RRP1B: variants seen among roughly 807,000 people sequenced by gnomAD.
RRP1B encodes the protein ribosomal RNA processing protein 1 homolog B.
A neutral mutation model predicts 80.2 loss-of-function variants in RRP1B; 56 were observed. The observed-to-expected ratio is 0.70, with a 90% CI of 0.56 to 0.87. RRP1B has a LOEUF of 0.87. RRP1B is among the 40% of genes least tolerant of loss of function. The pLI, the probability that RRP1B is intolerant of heterozygous loss-of-function variation, is 0.00. For synonymous variants in RRP1B, 351 were observed against 357.6 expected, an observed-to-expected ratio of 0.98 and a Z score of 0.21; for missense variants, 807 against 939.8, an observed-to-expected ratio of 0.86 and a Z score of 1.85.
rs1056775908 is a variant in RRP1B, at chr21:43,693,081, C to T, written c.2084-109C>T. 17 of 1,125,570 alleles carry T rather than the reference C, an allele frequency of 1.5e-5. No homozygotes were observed. The African/African-American group carries it at 1.6e-4, about 10-fold the overall frequency. The allele number at this position is 1,125,570 out of a possible 1,614,324, so 69.7% of individuals were successfully genotyped here. ...GCAGGGCCTTGAGATGGCCCTGCTT[C>T]GTCCTAGCAAGTGGGTGGGGTCGGC... On this transcript the variant is annotated intron_variant, in intron 15 of 15. Transcript: ENST00000340648. This position sits in a 1 kb window ranked among gnomAD's most constrained non-coding sequence, Gnocchi z 4.1.
intron 8 of RRP1B, among the ~76,000 whole-genome samples, chr21:43,678,448 C>T (rs1043286047): frequency 2.0e-5 from 3 of 152,144 alleles, no homozygotes; most frequent in Non-Finnish European, 2.9e-5. Flanking sequence ...CATGAGCCAC[C>T]GCGCCCGGCC....
At chr21:43,689,482 C>T (rs1016475753) in intron 13 of RRP1B, among the ~76,000 whole-genome samples, 1 of 152,182 alleles carries the variant, frequency 6.6e-6, no homozygotes, top group African/African-American at 2.4e-5. Context: ...CCATTTCTAG[C>T]CTCGAGTCTC....
At chr21:43,675,303 T>C in intron 6 of RRP1B, 140 bp downstream of exon 6, 1 of 767,264 alleles carries the variant, frequency 1.3e-6, no homozygotes, top group South Asian at 1.7e-5. Context: ...TGTCTGGGAA[T>C]GTGTCCTAAG....
intron 1 of RRP1B, among the ~76,000 whole-genome samples, chr21:43,663,024 A>G (rs908082210): frequency 6.6e-6 from 1 of 151,066 alleles, no homozygotes; most frequent in African/African-American, 2.4e-5. Flanking sequence ...AGTGTAGATG[A>G]TGGAGGATAT....
chr21:43,685,894 T>A (rs1474253854), intron 11 of RRP1B, 105 bp downstream of exon 11: 2 of 1,380,674 alleles, frequency 1.4e-6, no homozygotes, highest in Non-Finnish European at 2.0e-6. Context: ...AGAACTTTAC[T>A]GAAAACCTCT....
chr21:43,687,742 G>C lies in RRP1B; in HGVS notation c.1368G>C (p.Glu456Asp). ...CAGAGGCCACGTCCAGCACTGGGGAGGAGAGTGGCTCCGAGCATCCTCCAG... is the reference window on the plus strand; with the variant it reads ...CAGAGGCCACGTCCAGCACTGGGGACGAGAGTGGCTCCGAGCATCCTCCAG... ...PGAEATSSTG[E>D]ESGSEHPPAV... The change falls in exon 13 of 16, where the codon GAG (glutamate) becomes GAC (aspartate). Residue 456 changes from glutamate (E) to aspartate (D), a missense_variant. Glu to Asp is a conservative substitution (Grantham distance 45). Transcript: ENST00000340648. 1.9e-6 allele frequency: 3 copies of C among 1,613,270 alleles called. No individual in the cohort carries two copies. The South Asian group carries it at 3.3e-5, about 18-fold the overall frequency.
Position 43,687,709 on chromosome 21 carries a change from G to T in RRP1B, c.1335G>T (p.Glu445Asp). 6.2e-7 allele frequency: 1 copy of T among 1,611,588 alleles called. No homozygotes were observed. Among genetic ancestry groups the T allele is most frequent in the Non-Finnish European group, 8.5e-7 (1 of 1,178,818 alleles). Residue 445 changes from glutamate to aspartate, a missense_variant, in exon 13 of 16, where the codon GAG becomes GAT. Transcript: ENST00000340648. ...GLKALKARVA[E>D]PGAEATSSTG... ...AAGCCCTGAAGGCACGTGTGGCCGA[G>T]CCAGGTGCAGAGGCCACGTCCAGCA...
chr21:43,686,847 T>A lies in RRP1B; in HGVS notation c.1053T>A (p.Ala351=). Residue 351 remains alanine, a synonymous_variant, in exon 12 of 16, where the codon GCT becomes GCA. Coordinates refer to ENST00000340648, the MANE Select transcript of RRP1B (RefSeq NM_015056.3). The part of the protein sequence containing the change: ...SQLSFAEDIS[A]DEDDQILSQG... ...TCAGTTTTGCGGAGGACATTTCTGC[T>A]GATGAAGATGACCAAATCCTCAGTC... 1 of 1,614,054 alleles carries A rather than the reference T, an allele frequency of 6.2e-7. No homozygotes were observed. Among genetic ancestry groups the A allele is most frequent in the Non-Finnish European group, 8.5e-7 (1 of 1,180,000 alleles).
Position 43,676,210 on chromosome 21 carries a change from T to C in RRP1B, c.550-62T>C, listed in dbSNP as rs554569172. 1.4e-4 allele frequency: 177 copies of C among 1,247,152 alleles called. 1 individual carries two copies. In the South Asian group the frequency reaches 2.2e-3, roughly 15 times the overall value. The allele number at this position is 1,247,152 out of a possible 1,614,324, so 77.3% of individuals were successfully genotyped here. Reference sequence around the variant, plus strand: ...TGTAAAAGATGGGAATGGTCCCTTTTTCAAGGACATGTCAAGAAGGGAAAG... The same window carrying C: ...TGTAAAAGATGGGAATGGTCCCTTTCTCAAGGACATGTCAAGAAGGGAAAG... On this transcript the variant is annotated intron_variant, in intron 6 of 15. Transcript: ENST00000340648.
chr21:43,689,928 C>T (rs1051760572), intron 13 of RRP1B, among the ~76,000 whole-genome samples: 3 of 152,278 alleles, frequency 2.0e-5, no homozygotes, highest in Non-Finnish European at 4.4e-5. Flanking sequence ...CACTGTCCTC[C>T]ACACCAGACT....
intron 1 of RRP1B, among the ~76,000 whole-genome samples, chr21:43,661,355 G>A (rs1021891132): frequency 6.6e-6 from 1 of 152,052 alleles, no homozygotes; most frequent in Non-Finnish European, 1.5e-5. Context: ...TTCTTTCCCC[G>A]AAATCCTGTT....
chr21:43,692,806 C>G (rs1392613909), intron 15 of RRP1B, among the ~76,000 whole-genome samples: 1 of 152,070 alleles, frequency 6.6e-6, no homozygotes, highest in Non-Finnish European at 1.5e-5. Flanking sequence ...GCCTTTACAA[C>G]TGGAGAAAAT....
In RRP1B at chr21:43,671,240, T is replaced by C. The variant is rs116569493; in HGVS notation, c.214-1068T>C. On this transcript the variant is annotated intron_variant, in intron 2 of 15. Coordinates refer to ENST00000340648, the MANE Select transcript of RRP1B (RefSeq NM_015056.3). ...GAGTTTACCTTCACATTCCACCTTGTCTCTGAGCAAGCTGTAGGGAGGACT... is the reference window on the plus strand; with the variant it reads ...GAGTTTACCTTCACATTCCACCTTGCCTCTGAGCAAGCTGTAGGGAGGACT... Among the ~76,000 whole-genome samples, 756 of 152,300 alleles carry C rather than the reference T, an allele frequency of 5.0e-3. 8 individuals are homozygous for C. The highest frequency in any genetic ancestry group is 0.017 in the African/African-American group (722 of 41,566).
intron 14 of RRP1B, 130 bp downstream of exon 14, chr21:43,690,570 G>T (rs1475815687): frequency 2.0e-6 from 2 of 1,002,892 alleles, no homozygotes; most frequent in African/African-American, 1.6e-5. Context: ...CAGTGGACAG[G>T]TTCCACGGCC....
intron 8 of RRP1B, among the ~76,000 whole-genome samples, chr21:43,682,592 G>A (rs573022727): frequency 6.6e-5 from 10 of 152,322 alleles, no homozygotes; most frequent in East Asian, 3.9e-4. Flanking sequence ...GGATTCCTGC[G>A]TCCATGCTCC....
At position 43,683,297 on chromosome 21, in the gene RRP1B, C is replaced by T. The variant is rs1207084845; in HGVS notation, c.815C>T (p.Ser272Phe). ...TTGACAGCACTGGGCAAAAACCATT[C>T]CAGAAAAGATGGACTCAGTGATGAA... is the stretch of plus-strand genomic sequence containing the variant. ...KKKTALGKNH[S>F]RKDGLSDERG... The change falls in exon 9 of 16, where the codon TCC becomes TTC. Residue 272 changes from serine (S) to phenylalanine (F), a missense_variant. Physicochemically the swap from Ser to Phe is radical, Grantham distance 155 (BLOSUM62 -2). Coordinates refer to ENST00000340648, the MANE Select transcript of RRP1B (RefSeq NM_015056.3). The T allele has an allele frequency of 6.2e-7, 1 of 1,614,056 alleles. No homozygotes were observed. Among genetic ancestry groups the T allele is most frequent in the South Asian group, 1.1e-5 (1 of 91,082 alleles).
At chr21:43,683,102 G>A (rs1171019190) in intron 8 of RRP1B, among the ~76,000 whole-genome samples, 177 bp from the exon 9 acceptor site, 1 of 152,078 alleles carries the variant, frequency 6.6e-6, no homozygotes, top group African/African-American at 2.4e-5. Flanking sequence ...AGAATTCCTG[G>A]CCTCAAGTGA....
chr21:43,665,856 A>G (rs1330479781), intron 1 of RRP1B, among the ~76,000 whole-genome samples: 1 of 152,200 alleles, frequency 6.6e-6, no homozygotes, highest in Non-Finnish European at 1.5e-5. Flanking sequence ...CAGAGCCTCG[A>G]GCCAAATAAA....
chr21:43,691,713 A>G lies in RRP1B; in HGVS notation c.2083+211A>G, dbSNP rs369265468. ...CAGTGCAGTGGCGAGATCTTGGCTCACTGCAACCTCCGCCCCCCCAGGTTC... is the reference window on the plus strand; with the variant it reads ...CAGTGCAGTGGCGAGATCTTGGCTCGCTGCAACCTCCGCCCCCCCAGGTTC... On this transcript the variant is annotated intron_variant, in intron 15 of 15. Coordinates refer to ENST00000340648, the MANE Select transcript of RRP1B (RefSeq NM_015056.3). The surrounding 1 kb of genome is among the most constrained non-coding windows in gnomAD (Gnocchi z 4.2). Among the ~76,000 whole-genome samples, 20 of 149,822 alleles carry G rather than the reference A, an allele frequency of 1.3e-4. No homozygotes were observed. In the East Asian group the frequency reaches 3.7e-3, roughly 28 times the overall value.
Sources: allele counts gnomAD v4.1 joint callset (sites outside exome capture counted in the v4.1 genomes callset), GRCh38; gene constraint gnomAD v4.1.1; non-coding constraint Gnocchi (gnomAD v3.1); transcripts MANE v1.5; gene names NCBI Gene and HGNC (gene_info 2026-07-23, HGNC 2026-07-21).